The following METTL15 variants were observed in gnomAD, a reference collection of about 807,000 sequenced individuals.
The protein encoded by METTL15 is 12S rRNA N(4)-cytidine methyltransferase METTL15.
Under a neutral mutation model 38.3 loss-of-function variants are expected in METTL15, and 34 were observed. The observed-to-expected ratio is 0.89, with a 90% CI of 0.68 to 1.18. METTL15 has a LOEUF of 1.18. METTL15 is among the 50% of genes most tolerant of loss of function. The pLI is 0.00. For synonymous variants in METTL15, 162 were observed against 170.9 expected (o/e 0.95, Z 0.41); for missense variants, 438 against 498.4 (o/e 0.88, Z 1.15).
chr11:28,315,842 G>A (rs1015514191), intron 6 of METTL15, among the ~76,000 whole-genome samples: 6 of 152,236 alleles, frequency 3.9e-5, no homozygotes, highest in Non-Finnish European at 8.8e-5. Flanking sequence ...GAAGTCCCAA[G>A]CTTTGGCAGC....
At chr11:28,475,625 T>C (rs145235795) in intron 6 of METTL15, among the ~76,000 whole-genome samples, 6 of 152,294 alleles carry the variant, frequency 3.9e-5, no homozygotes, top group African/African-American at 1.2e-4. Flanking sequence ...CTTCACTGCC[T>C]CTAGTGTTAT....
At chr11:28,452,981 A>C (rs1451800050) in intron 6 of METTL15, among the ~76,000 whole-genome samples, 11 of 152,212 alleles carry the variant, frequency 7.2e-5, no homozygotes, top group Non-Finnish European at 1.6e-4. Flanking sequence ...ACATTGTCAT[A>C]GATTCTCTAA....
intron 4 of METTL15, among the ~76,000 whole-genome samples, chr11:28,245,565 T>C (rs1854474812): frequency 2.0e-5 from 3 of 152,152 alleles, no homozygotes; most frequent in African/African-American, 7.2e-5. Context: ...ATTTTCAAAA[T>C]TGGAAAAGTT....
chr11:28,448,278 G>A (rs1366075700), intron 6 of METTL15, among the ~76,000 whole-genome samples: 1 of 152,130 alleles, frequency 6.6e-6, no homozygotes, highest in Non-Finnish European at 1.5e-5. Flanking sequence ...TATGCCTTGG[G>A]CAGGGTTCCT....
At chr11:28,493,232 C>A (rs1397523265) in intron 6 of METTL15, among the ~76,000 whole-genome samples, 5 of 152,056 alleles carry the variant, frequency 3.3e-5, no homozygotes, top group Non-Finnish European at 7.4e-5. Flanking sequence ...CCCTGGACCC[C>A]AGGGTTTTTA....
chr11:28,511,640 C>T (rs954824085), intron 6 of METTL15, among the ~76,000 whole-genome samples: 26 of 151,944 alleles, frequency 1.7e-4, no homozygotes, highest in African/African-American at 4.6e-4. Context: ...CTTAAGGCAG[C>T]GCCTCTGGAG....
chr11:28,236,824 T>G (rs1217150648), intron 4 of METTL15, among the ~76,000 whole-genome samples: 1 of 152,196 alleles, frequency 6.6e-6, no homozygotes. Flanking sequence ...CAGCATTTGC[T>G]TGTCTGTATA....
At chr11:28,378,682 C>T (rs1407430998) in intron 5 of METTL15, among the ~76,000 whole-genome samples, 1 of 151,538 alleles carries the variant, frequency 6.6e-6, no homozygotes, top group Non-Finnish European at 1.5e-5. Context: ...GCTCCTCCAC[C>T]TGTTGTGTTC....
intron 4 of METTL15, among the ~76,000 whole-genome samples, chr11:28,358,380 G>A (rs1229490439): frequency 6.6e-6 from 1 of 152,146 alleles, no homozygotes; most frequent in Non-Finnish European, 1.5e-5. Flanking sequence ...TTAAGTTTGT[G>A]ATAATCTGCT....
At chr11:28,388,644 G>A (rs913382313) in intron 5 of METTL15, among the ~76,000 whole-genome samples, 7 of 151,990 alleles carry the variant, frequency 4.6e-5, no homozygotes, top group African/African-American at 1.7e-4. Context: ...GTATTCTACA[G>A]ACTCAATGCA....
chr11:28,218,800 G>T (rs1292125685), intron 4 of METTL15, among the ~76,000 whole-genome samples: 2 of 152,118 alleles, frequency 1.3e-5, no homozygotes, highest in Middle Eastern at 3.2e-3. Flanking sequence ...GGCCTTTTCT[G>T]CATGTATTGA....
intron 3 of METTL15, among the ~76,000 whole-genome samples, chr11:28,156,012 C>T (rs761816527): frequency 1.3e-5 from 2 of 152,162 alleles, no homozygotes; most frequent in South Asian, 2.1e-4. Flanking sequence ...GAAACTAATA[C>T]GACTGAAGTT....
chr11:28,511,994 C>G (rs935077513), intron 6 of METTL15, among the ~76,000 whole-genome samples: 1 of 152,036 alleles, frequency 6.6e-6, no homozygotes, highest in Non-Finnish European at 1.5e-5. Context: ...CTCCACGTCC[C>G]CACTAGATTA....
chr11:28,437,926 A>G (rs1850997023), intron 6 of METTL15, among the ~76,000 whole-genome samples: 1 of 152,252 alleles, frequency 6.6e-6, no homozygotes, highest in Non-Finnish European at 1.5e-5. Flanking sequence ...AAACAAGGGC[A>G]GGGACTTTGT....
At chr11:28,225,642 C>T (rs1301061692) in intron 4 of METTL15, among the ~76,000 whole-genome samples, 1 of 151,236 alleles carries the variant, frequency 6.6e-6, no homozygotes, top group African/African-American at 2.4e-5. Context: ...TCTTTGAAAA[C>T]GTTTGATATT....
At chr11:28,141,945 C>T (rs1849712303) in intron 3 of METTL15, among the ~76,000 whole-genome samples, 1 of 152,104 alleles carries the variant, frequency 6.6e-6, no homozygotes, top group African/African-American at 2.4e-5. Context: ...AACTAAATTC[C>T]TCCTATGGTT....
intron 5 of METTL15, among the ~76,000 whole-genome samples, chr11:28,398,530 TTC>T (rs1463247298): frequency 6.6e-6 from 1 of 152,158 alleles, no homozygotes; most frequent in African/African-American, 2.4e-5. Context: ...GGGTTGTTTT[TTC>T]TTGAAAATTT....
intron 2 of METTL15, among the ~76,000 whole-genome samples, chr11:28,112,133 T>G (rs1053216605): frequency 1.3e-5 from 2 of 152,218 alleles, no homozygotes; most frequent in Admixed American, 6.5e-5. Context: ...TTAATTTTTT[T>G]TATTGCAAAA....
intron 5 of METTL15, among the ~76,000 whole-genome samples, chr11:28,383,067 A>G (rs1322698760): frequency 2.6e-5 from 4 of 151,888 alleles, no homozygotes; most frequent in African/African-American, 9.7e-5. Context: ...TTTATCACTC[A>G]GGTAATAAGC....
Sources: allele counts gnomAD v4.1 joint callset (sites outside exome capture counted in the v4.1 genomes callset), GRCh38; gene constraint gnomAD v4.1.1; transcripts MANE v1.5; gene names NCBI Gene and HGNC (gene_info 2026-07-23, HGNC 2026-07-21).